Variants in CCDC32 observed in about 807,000 individuals in gnomAD.
CCDC32 encodes coiled-coil domain containing 32.
CCDC32 carries 9 observed loss-of-function variants against 20.1 expected under a neutral mutation model. The observed-to-expected ratio is 0.45, with a 90% CI of 0.27 to 0.78. The LOEUF is 0.78. CCDC32 is among the 30% of genes least tolerant of loss of function. The probability of loss-of-function intolerance (pLI) is 0.16; values close to 1 mark genes in which losing one functional copy is unlikely to be tolerated. For missense variants in CCDC32, 204 were observed against 215.5 expected (o/e 0.95, Z 0.33); for synonymous variants, 63 against 79.0 (o/e 0.80, Z 1.07).
Position 40,557,039 on chromosome 15 carries a change from T to G in CCDC32, c.401+177A>C, listed in dbSNP as rs1890288933. On this transcript the variant is annotated intron_variant, in intron 3 of 3. Transcript: ENST00000416810. The stretch of plus-strand genomic sequence containing the variant: ...TACTTTCTCAAGTTCATTGCATACT[T>G]AAAAATGAACACAATGCTTTATCCT... 16 of 620,260 alleles carry G rather than the reference T, an allele frequency of 2.6e-5. No individual in the cohort carries two copies. In the Admixed American group the frequency reaches 5.5e-4, roughly 21 times the overall value. 38.4% of individuals were successfully genotyped at this position (620,260 alleles called of 1,614,324 possible). A position where few individuals can be genotyped will look rare whatever the true frequency, so the allele number is the denominator to read the frequency against.
downstream of CCDC32, among the ~76,000 whole-genome samples, chr15:40,524,739 C>CTTTTTT (rs758786719): frequency 8.4e-4 from 80 of 95,182 alleles, 1 homozygote; most frequent in African/African-American, 3.0e-3. Flanking sequence ...CTTTTTCTTT[C>CTTTTTT]TTTTTTTTTT....
chr15:40,542,150 C>T (rs1377104837), intron 3 of CCDC32, among the ~76,000 whole-genome samples: 4 of 152,218 alleles, frequency 2.6e-5, no homozygotes, highest in Non-Finnish European at 5.9e-5. Context: ...GCTGACACAC[C>T]TCCAGTGACA....
chr15:40,545,830 TCTC>T (rs139739854), intron 3 of CCDC32, among the ~76,000 whole-genome samples: 3,012 of 152,228 alleles, frequency 0.02, 56 homozygotes, highest in Non-Finnish European at 0.029. Context: ...CCTCAGTGGT[TCTC>T]CTTGCAAATG....
At chr15:40,555,415 TTTGTC>T (rs1326778546) in intron 3 of CCDC32, among the ~76,000 whole-genome samples, 7 of 152,008 alleles carry the variant, frequency 4.6e-5, no homozygotes, top group Non-Finnish European at 7.4e-5. Context: ...AGGAGAAAGT[TTTGTC>T]TTTTCTTCTC....
At chr15:40,554,602 GA>G (rs1359503448) in intron 3 of CCDC32, among the ~76,000 whole-genome samples, 2 of 152,044 alleles carry the variant, frequency 1.3e-5, no homozygotes, top group Admixed American at 1.3e-4. Context: ...TGCACTAAGT[GA>G]TTTTTTTTTT....
downstream of CCDC32, chr15:40,534,207 T>G (rs1167123680): frequency 6.6e-6 from 1 of 152,378 alleles, no homozygotes. Context: ...TCAGGTTTAT[T>G]TCTCACAGTT....
chr15:40,528,800 AAAAG>A (rs1894932457), intron 3 of CCDC32: 1 of 698,402 alleles, frequency 1.4e-6, no homozygotes, highest in East Asian at 2.7e-5. Context: ...ACTATTAAAA[AAAAG>A]AGAAGAAAAG....
chr15:40,529,560 T>C (rs1888814559), intron 3 of CCDC32: 1 of 151,850 alleles, frequency 6.6e-6, no homozygotes, highest in Admixed American at 6.6e-5. Flanking sequence ...TGTATCAAAA[T>C]AAAAAGTGAG....
intron 3 of CCDC32, among the ~76,000 whole-genome samples, chr15:40,543,450 G>T (rs1405591945): frequency 1.3e-5 from 2 of 151,944 alleles, no homozygotes; most frequent in Non-Finnish European, 2.9e-5. Flanking sequence ...TTTTGTTTTT[G>T]TTGTTGTTGT....
rs896214727 is a variant in CCDC32 at position 40,553,155 on chromosome 15, G to C, written c.*816C>G. 1.0e-6 allele frequency: 1 copy of C among 985,466 alleles called. No homozygotes were observed. The highest frequency in any genetic ancestry group is 1.2e-6 in the Non-Finnish European group (1 of 829,984). 61.0% of individuals were successfully genotyped at this position (985,466 alleles called of 1,614,324 possible). A position where few individuals can be genotyped will look rare whatever the true frequency, so the allele number is the denominator to read the frequency against. ...ATACTGATCATGAACACAATAAACA[G>C]GGAGGGAAGCTCGGGCTCAGCCAGG... On this transcript the variant is annotated 3_prime_UTR_variant, in exon 4 of 4. Transcript: ENST00000416810.
At chr15:40,541,632 A>G (rs1889399720) in intron 3 of CCDC32, among the ~76,000 whole-genome samples, 1 of 152,156 alleles carries the variant, frequency 6.6e-6, no homozygotes, top group Non-Finnish European at 1.5e-5. Flanking sequence ...AGCCTAAGCC[A>G]TAATCTTTAT....
intron 2 of CCDC32, among the ~76,000 whole-genome samples, chr15:40,561,505 A>G (rs941394301): frequency 3.9e-5 from 6 of 152,054 alleles, no homozygotes; most frequent in Non-Finnish European, 5.9e-5. Flanking sequence ...ACCAAAAAAA[A>G]AACAAAACAC....
chr15:40,532,222 G>A, downstream of CCDC32: 1 of 690,756 alleles, frequency 1.4e-6, no homozygotes, highest in East Asian at 2.7e-5. Flanking sequence ...CGTTCATATG[G>A]AATGTCTATA....
At chr15:40,560,277 G>A (rs550741758) in intron 2 of CCDC32, among the ~76,000 whole-genome samples, 6 of 152,206 alleles carry the variant, frequency 3.9e-5, no homozygotes, top group Non-Finnish European at 7.4e-5. Context: ...CAAAGTGCTG[G>A]GATTACAGGC....
chr15:40,528,881 A>C, intron 3 of CCDC32: 2 of 656,072 alleles, frequency 3.0e-6, no homozygotes, highest in Non-Finnish European at 5.4e-6. Context: ...GGGATTTCCA[A>C]GGACAGACTC....
At chr15:40,539,881 C>CACACACACACACACACACA (rs1491175376) in intron 3 of CCDC32, among the ~76,000 whole-genome samples, 10 of 147,828 alleles carry the variant, frequency 6.8e-5, no homozygotes, top group Non-Finnish European at 1.0e-4. Flanking sequence ...CACACACACA[C>CACACACACACACACACACA]CCCGCTCCTT....
At chr15:40,544,994 T>A (rs1056017924) in intron 3 of CCDC32, among the ~76,000 whole-genome samples, 13 of 152,360 alleles carry the variant, frequency 8.5e-5, no homozygotes, top group Middle Eastern at 3.4e-3. Flanking sequence ...TACCTTCTAT[T>A]CACTCAACCA....
At chr15:40,554,149 G>GAAA in intron 3 of CCDC32, 22 bp from the exon 4 acceptor site, 2 of 1,603,182 alleles carry the variant, frequency 1.2e-6, no homozygotes, top group Non-Finnish European at 1.7e-6. Flanking sequence ...CAGAATAAAA[G>GAAA]GGTGGCTGTG....
At chr15:40,534,950 A>G (rs1327773281), downstream of CCDC32, 1 of 702,504 alleles carries the variant, frequency 1.4e-6, no homozygotes, top group South Asian at 1.5e-5. Context: ...TGGCTGTATG[A>G]TCTGCCACTT....
Sources: gnomAD v4.1 joint callset for allele counts (sites outside exome capture counted in the v4.1 genomes callset) on GRCh38, gnomAD v4.1.1 for gene constraint, MANE v1.5 for transcripts, NCBI Gene and HGNC (gene_info 2026-07-23, HGNC 2026-07-21) for gene names.